AMY1C: variants seen among roughly 807,000 people sequenced by gnomAD.
AMY1C encodes the protein alpha-amylase 1C.
A neutral mutation model predicts 13.4 loss-of-function variants in AMY1C; 3 were observed. That is an observed-to-expected ratio of 0.22 (90% CI 0.10 to 0.58). AMY1C has a LOEUF of 0.58. AMY1C is among the 20% of genes least tolerant of loss of function. The probability of loss-of-function intolerance (pLI) is 0.91; values close to 1 mark genes in which losing one functional copy is unlikely to be tolerated. For synonymous variants in AMY1C, 1 was observed against 28.5 expected (o/e 0.04, Z 3.07); for missense variants, 5 against 96.4 (o/e 0.05, Z 3.97).
At position 103,756,077 on chromosome 1, in the gene AMY1C, T is replaced by A. The variant is rs1334870678; in HGVS notation, c.1102-718T>A. 6.4e-5 allele frequency among the ~76,000 whole-genome samples: 7 copies of A among 108,744 alleles called. No homozygotes were observed. The East Asian group carries it at 2.1e-3, about 33-fold the overall frequency. 71.3% of individuals were successfully genotyped at this position (108,744 alleles called of 152,430 possible). A position where few individuals can be genotyped will look rare whatever the true frequency, so the allele number is the denominator to read the frequency against. The stretch of plus-strand genomic sequence containing the variant: ...TTAATTTTTATAGCAAAAGAACTCA[T>A]TATTCTCATTTTACAAATGAGGAAA... On this transcript the variant is annotated intron_variant, in intron 8 of 10. Transcript: ENST00000622339.
At chr1:103,755,947 A>T (rs1313019265) in intron 8 of AMY1C, among the ~76,000 whole-genome samples, 2 of 143,260 alleles carry the variant, frequency 1.4e-5, no homozygotes, top group Non-Finnish European at 3.2e-5. Flanking sequence ...TTATAAAAAA[A>T]AATGTTCAGA....
upstream of AMY1C, chr1:103,749,807 G>T (rs1243506536): frequency 1.1e-4 from 1 of 9,164 alleles, no homozygotes; most frequent in Admixed American, 8.2e-4. Flanking sequence ...CGTGCTTGTG[G>T]AAGACAAGTC....
chr1:103,755,909 A>G (rs1653944735), intron 8 of AMY1C, among the ~76,000 whole-genome samples: 1 of 142,088 alleles, frequency 7.0e-6, no homozygotes, highest in Non-Finnish European at 1.6e-5. Context: ...GCCAATCAGA[A>G]AAGCATAATA....
At chr1:103,756,266 GC>G (rs1428577120) in intron 8 of AMY1C, among the ~76,000 whole-genome samples, 15 of 66,012 alleles carry the variant, frequency 2.3e-4, no homozygotes. Context: ...AGGTGCAGTG[GC>G]TCACACCTAT....
chr1:103,756,043 A>G (rs1183664430), intron 8 of AMY1C, among the ~76,000 whole-genome samples: 1 of 133,548 alleles, frequency 7.5e-6, no homozygotes, highest in Non-Finnish European at 1.7e-5. Context: ...GCATTTTCAC[A>G]TATATTACTT....
chr1:103,750,305 T>C (rs1653865847), intron 1 of AMY1C, 119 bp from the exon 2 acceptor site: 1 of 638,468 alleles, frequency 1.6e-6, no homozygotes, highest in Non-Finnish European at 2.2e-6. Flanking sequence ...GAGAGACTTT[T>C]TGATGTTCTT....
At chr1:103,756,378 A>T (rs1403532376) in intron 8 of AMY1C, among the ~76,000 whole-genome samples, 3 of 970 alleles carry the variant, frequency 3.1e-3, no homozygotes, top group East Asian at 0.01. Context: ...ACTGAAAATT[A>T]AAAAAAAAAA....
At chr1:103,755,912 G>C (rs1197573811) in intron 8 of AMY1C, among the ~76,000 whole-genome samples, 1 of 141,994 alleles carries the variant, frequency 7.0e-6, no homozygotes, top group South Asian at 2.4e-4. Flanking sequence ...AATCAGAAAA[G>C]CATAATACTA....
chr1:103,755,995 C>T (rs1317521246), intron 8 of AMY1C, among the ~76,000 whole-genome samples: 54 of 141,330 alleles, frequency 3.8e-4, no homozygotes, highest in African/African-American at 1.1e-3. Context: ...AGAAGCATGA[C>T]GGCCTCCAAT....
intron 8 of AMY1C, among the ~76,000 whole-genome samples, chr1:103,755,914 A>C (rs1163761223): frequency 1.4e-5 from 2 of 142,506 alleles, no homozygotes; most frequent in African/African-American, 2.4e-5. Flanking sequence ...TCAGAAAAGC[A>C]TAATACTAAA....
At chr1:103,756,377 TA>T (rs778687116) in intron 8 of AMY1C, among the ~76,000 whole-genome samples, 1 of 1,086 alleles carries the variant, frequency 9.2e-4, no homozygotes, top group African/African-American at 5.0e-3. Context: ...TACTGAAAAT[TA>T]AAAAAAAAAA....
intron 8 of AMY1C, among the ~76,000 whole-genome samples, chr1:103,755,897 G>C (rs1189961277): frequency 4.3e-5 from 6 of 140,860 alleles, no homozygotes; most frequent in Admixed American, 2.1e-4. Flanking sequence ...ATTTCTTAAA[G>C]TGCCAATCAG....
chr1:103,754,356 ATAT>A, intron 6 of AMY1C, 140 bp from the exon 7 acceptor site: 1 of 527,636 alleles, frequency 1.9e-6, no homozygotes, highest in Admixed American at 4.6e-5. Context: ...GTGTATATAT[ATAT>A]ATCTTACAGA....
At chr1:103,754,889 AC>A in intron 8 of AMY1C, 75 bp downstream of exon 8, 1 of 1,034,298 alleles carries the variant, frequency 9.7e-7, no homozygotes, top group African/African-American at 1.9e-5. Context: ...TAATATGACA[AC>A]TATTAAGTGT....
chr1:103,756,029 CA>C (rs1240738183), intron 8 of AMY1C, among the ~76,000 whole-genome samples: 1 of 136,314 alleles, frequency 7.3e-6, no homozygotes, highest in Non-Finnish European at 1.7e-5. Flanking sequence ...ATGTCATGTT[CA>C]AGGCATTTTC....
At chr1:103,749,879 G>A, upstream of AMY1C, 1 of 14,976 alleles carries the variant, frequency 6.7e-5, no homozygotes, top group Admixed American at 5.9e-4. Flanking sequence ...ATGTGTCAGG[G>A]CTGAGTGTTC....
At chr1:103,755,945 A>T (rs1326980649) in intron 8 of AMY1C, among the ~76,000 whole-genome samples, 1 of 143,380 alleles carries the variant, frequency 7.0e-6, no homozygotes, top group Admixed American at 6.8e-5. Flanking sequence ...ATTTATAAAA[A>T]AAAATGTTCA....
Sources: gnomAD v4.1 joint callset for allele counts (sites outside exome capture counted in the v4.1 genomes callset) on GRCh38, gnomAD v4.1.1 for gene constraint, MANE v1.5 for transcripts, NCBI Gene and HGNC (gene_info 2026-07-23, HGNC 2026-07-21) for gene names.